Variants in PLA2G4C observed in about 807,000 individuals in gnomAD.
The protein encoded by PLA2G4C is phospholipase A2 group IVC, also known as cytosolic phospholipase A2 gamma.
Under a neutral mutation model 73.8 loss-of-function variants are expected in PLA2G4C, and 64 were observed. The ratio of observed to expected loss-of-function variants is 0.87; its 90% CI spans 0.71 to 1.07. PLA2G4C has a LOEUF of 1.07. Ranked by LOEUF, PLA2G4C falls within the 50% of genes least tolerant of loss-of-function variation. PLA2G4C has a pLI of 0.00. For synonymous variants in PLA2G4C, 254 were observed against 252.1 expected, an observed-to-expected ratio of 1.01 and a Z score of -0.07; for missense variants, 622 against 665.4, an observed-to-expected ratio of 0.93 and a Z score of 0.72.
chr19:48,110,335 G>T (rs568595755), intron 1 of PLA2G4C, among the ~76,000 whole-genome samples, 152 bp downstream of exon 1: 1 of 142,186 alleles, frequency 7.0e-6, no homozygotes, highest in East Asian at 2.2e-4. Context: ...GACAGAGCGA[G>T]ATGCTGTCTC....
chr19:48,066,958 GACACACACACACAC>G (rs200703260), intron 13 of PLA2G4C, among the ~76,000 whole-genome samples: 2 of 143,844 alleles, frequency 1.4e-5, no homozygotes, highest in Admixed American at 7.0e-5. Context: ...AACAGAGCAA[GACACACACACACAC>G]ACACACACAC....
chr19:48,106,767 C>A, intron 1 of PLA2G4C: 1 of 567,378 alleles, frequency 1.8e-6, no homozygotes, highest in Non-Finnish European at 3.1e-6. Context: ...AGAAATATTT[C>A]AAGCGCGTCT....
intron 16 of PLA2G4C, among the ~76,000 whole-genome samples, chr19:48,052,543 A>G (rs1021137518): frequency 3.0e-4 from 46 of 152,070 alleles, no homozygotes; most frequent in Non-Finnish European, 6.0e-4. Flanking sequence ...AAGCCTTCGG[A>G]ACTGTGAGTC....
rs140864339 is a variant in PLA2G4C, at chr19:48,061,455, A to G, written c.1257+543T>C. On this transcript the variant is annotated intron_variant, in intron 14 of 16. Coordinates refer to ENST00000599921, the MANE Select transcript of PLA2G4C (RefSeq NM_003706.3). The stretch of plus-strand genomic sequence containing the variant: ...AAACCGACATGCACAGAAGTTACGC[A>G]CATTGGATCAGGCCACACAGCTGGT... 8.1e-3 allele frequency: 1,255 copies of G among 155,560 alleles called. 40 individuals carry two copies. The highest frequency in any genetic ancestry group is 6.7e-3 in the Middle Eastern group (2 of 298). 9.6% of individuals were successfully genotyped at this position (155,560 alleles called of 1,614,324 possible). A position where few individuals can be genotyped will look rare whatever the true frequency, so the allele number is the denominator to read the frequency against.
chr19:48,084,080 G>GTGTGTGTGTGTGTGTGT (rs2030827291), intron 10 of PLA2G4C, among the ~76,000 whole-genome samples: 1 of 149,334 alleles, frequency 6.7e-6, no homozygotes, highest in Non-Finnish European at 1.5e-5. Context: ...GTGTGTGTGT[G>GTGTGTGTGTGTGTGTGT]ATGGAGTCTT....
intron 4 of PLA2G4C, among the ~76,000 whole-genome samples, chr19:48,102,940 G>A (rs2031990643): frequency 6.6e-6 from 1 of 152,020 alleles, no homozygotes; most frequent in Non-Finnish European, 1.5e-5. Context: ...ATGCTCAACA[G>A]CGGAGGAAAC....
intron 10 of PLA2G4C, 96 bp downstream of exon 10, chr19:48,084,963 A>G: frequency 1.2e-6 from 1 of 857,350 alleles, no homozygotes; most frequent in Non-Finnish European, 2.0e-6. Flanking sequence ...ACCATTATAC[A>G]CAGGCCTCTT....
At chr19:48,080,349 G>A (rs752188882) in intron 10 of PLA2G4C, among the ~76,000 whole-genome samples, 49 of 152,004 alleles carry the variant, frequency 3.2e-4, no homozygotes, top group South Asian at 4.2e-4. Context: ...GTGTGGATGC[G>A]GTGCAAATGG....
At chr19:48,091,398 G>A (rs912902002) in intron 7 of PLA2G4C, among the ~76,000 whole-genome samples, 9 of 152,142 alleles carry the variant, frequency 5.9e-5, no homozygotes, top group East Asian at 3.9e-4. Context: ...ATGTTGGCCC[G>A]TCTGGTCTTG....
intron 10 of PLA2G4C, among the ~76,000 whole-genome samples, chr19:48,083,392 C>CTTTTTTTTTTTTTTTGTTTTTTTCTTT: frequency 9.4e-6 from 1 of 105,838 alleles, no homozygotes; most frequent in Non-Finnish European, 1.9e-5. Context: ...ATTTTCTTTT[C>CTTTTTTTTTTTTTTTGTTTTTTTCTTT]TTTTTTTTTT....
At chr19:48,110,401 C>G (rs2122187924) in intron 1 of PLA2G4C, 86 bp downstream of exon 1, 2 of 800,212 alleles carry the variant, frequency 2.5e-6, no homozygotes, top group Non-Finnish European at 3.8e-6. Flanking sequence ...AAAAGAAATC[C>G]TGTTATTTAA....
intron 14 of PLA2G4C, among the ~76,000 whole-genome samples, chr19:48,057,917 C>A (rs541127141): frequency 1.3e-5 from 2 of 151,856 alleles, no homozygotes; most frequent in Non-Finnish European, 2.9e-5. Flanking sequence ...CTCACTGCAG[C>A]CTCAAGCTCC....
intron 6 of PLA2G4C, 157 bp downstream of exon 6, chr19:48,097,982 C>T (rs2031687474): frequency 4.0e-6 from 3 of 747,302 alleles, no homozygotes; most frequent in African/African-American, 3.6e-5. Context: ...TGGGACTTCC[C>T]TCTTCTCTCG....
At chr19:48,088,836 T>G (rs1600226399) in intron 8 of PLA2G4C, 124 bp from the exon 9 acceptor site, 4 of 753,208 alleles carry the variant, frequency 5.3e-6, no homozygotes, top group Non-Finnish European at 9.3e-6. Context: ...TGGGCTCCAA[T>G]GGCAGCCAAT....
intron 12 of PLA2G4C, 116 bp from the exon 13 acceptor site, chr19:48,068,002 A>C: frequency 1.3e-6 from 1 of 780,846 alleles, no homozygotes; most frequent in Non-Finnish European, 2.3e-6. Context: ...TGGAGACAGG[A>C]CTTTTAAAGA....
chr19:48,055,460 G>T (rs1967906582), intron 14 of PLA2G4C, among the ~76,000 whole-genome samples: 1 of 149,912 alleles, frequency 6.7e-6, no homozygotes, highest in Non-Finnish European at 1.5e-5. Flanking sequence ...AGCTACTCAG[G>T]AAGCTGAGAT....
In PLA2G4C at chr19:48,077,672, A is replaced by T. The variant is rs181410917; in HGVS notation, c.898+99T>A. On this transcript the variant is annotated intron_variant, in intron 11 of 16. Transcript: ENST00000599921. ...CTCTCCATTCCCAAAGGAGCACCACATGAATCAGACACGTAAAGTTTTTAG... is the reference window on the plus strand; with the variant it reads ...CTCTCCATTCCCAAAGGAGCACCACTTGAATCAGACACGTAAAGTTTTTAG... 2.0e-4 allele frequency: 180 copies of T among 880,262 alleles called. 2 individuals carry two copies. The highest frequency in any genetic ancestry group is 1.9e-3 in the Admixed American group (76 of 39,078). The allele number at this position is 880,262 out of a possible 1,614,324, so 54.5% of individuals were successfully genotyped here.
At position 48,104,679 on chromosome 19, in the gene PLA2G4C, G is replaced by A. The variant is rs760255791; in HGVS notation, c.166C>T (p.His56Tyr). The change falls in exon 4 of 17, where the codon CAC becomes TAC. Residue 56 changes from histidine (H) to tyrosine (Y), a missense_variant. Coordinates refer to ENST00000599921, the MANE Select transcript of PLA2G4C (RefSeq NM_003706.3). Reference sequence around the variant, plus strand: ...CTCAGGACCCCAAGGCAGGCAATGTGAGCCCGCAGTCCTCCGCCTGAGCCC... The same window carrying A: ...CTCAGGACCCCAAGGCAGGCAATGTAAGCCCGCAGTCCTCCGCCTGAGCCC... The part of the protein sequence containing the change: ...VLGSGGGLRA[H>Y]IACLGVLSEM... The A allele has an allele frequency of 6.2e-6, 10 of 1,613,992 alleles. No individual in the cohort carries two copies. The highest frequency in any genetic ancestry group is 6.8e-6 in the Non-Finnish European group (8 of 1,179,936).
chr19:48,104,611 G>A lies in PLA2G4C; in HGVS notation c.234C>T (p.Leu78=), dbSNP rs760074785. The part of the protein sequence containing the change: ...EQGLLDAVTY[L]AGVSGSTWAI... The stretch of plus-strand genomic sequence containing the variant: ...ACCAAGTGGATCCAGAGACCCCTGC[G>A]AGGTACGTGACGGCATCCAACAGGC... Residue 78 remains leucine (L), a synonymous_variant, in exon 4 of 17, where the codon CTC becomes CTT. Coordinates refer to ENST00000599921, the MANE Select transcript of PLA2G4C (RefSeq NM_003706.3). 8 of 1,614,088 alleles carry A rather than the reference G, an allele frequency of 5.0e-6. No individual in the cohort carries two copies. The South Asian group carries it at 6.6e-5, about 13-fold the overall frequency.
Sources: allele counts gnomAD v4.1 joint callset (sites outside exome capture counted in the v4.1 genomes callset), GRCh38; gene constraint gnomAD v4.1.1; transcripts MANE v1.5; gene names NCBI Gene and HGNC (gene_info 2026-07-23, HGNC 2026-07-21).